Variants in LRRC20 observed in about 807,000 individuals in gnomAD.
LRRC20 encodes leucine rich repeat containing 20.
In LRRC20, 11 loss-of-function variants were observed where a neutral mutation model predicts 14.4. The ratio of observed to expected loss-of-function variants is 0.77; its 90% CI spans 0.48 to 1.27. The LOEUF (loss-of-function observed/expected upper bound fraction) is 1.27. LRRC20 is among the 50% of genes most tolerant of loss of function. The probability of loss-of-function intolerance (pLI) is 0.00; values close to 1 mark genes in which losing one functional copy is unlikely to be tolerated. For missense variants in LRRC20, 219 were observed against 251.2 expected, an observed-to-expected ratio of 0.87 and a Z score of 0.87; for synonymous variants, 121 against 107.3, an observed-to-expected ratio of 1.13 and a Z score of -0.79.
chr10:70,356,896 T>C (rs1197872665), intron 2 of LRRC20, among the ~76,000 whole-genome samples: 4 of 151,902 alleles, frequency 2.6e-5, no homozygotes, highest in Non-Finnish European at 5.9e-5. Flanking sequence ...AAAAAACACC[T>C]GTATATAAAT....
chr10:70,327,490 C>T (rs145906227), intron 3 of LRRC20, among the ~76,000 whole-genome samples: 12 of 151,834 alleles, frequency 7.9e-5, no homozygotes, highest in African/African-American at 2.7e-4. Context: ...CACAAGAATC[C>T]GAGGCACGAG....
chr10:70,341,617 A>T (rs1842916222), intron 2 of LRRC20, among the ~76,000 whole-genome samples: 1 of 152,048 alleles, frequency 6.6e-6, no homozygotes, highest in Admixed American at 6.5e-5. Flanking sequence ...AAAACAAAAA[A>T]ATTAGCCGGG....
At position 70,301,254 on chromosome 10, in the gene LRRC20, C is replaced by T. The variant is rs995053071; in HGVS notation, c.*100G>A. On this transcript the variant is annotated 3_prime_UTR_variant, in exon 5 of 5. Transcript: ENST00000446961. ...CACCACGTGCTGCTCGGCCCACCCG[C>T]CCCCAGCCCCCAGGCTTGGCCTCCC... The T allele has an allele frequency of 8.6e-5, 126 of 1,471,650 alleles. No individual in the cohort carries two copies. The highest frequency in any genetic ancestry group is 3.7e-4 in the African/African-American group (26 of 69,998). The allele number at this position is 1,471,650 out of a possible 1,614,324, so 91.2% of individuals were successfully genotyped here.
chr10:70,300,945 C>T lies in LRRC20; in HGVS notation c.*409G>A, dbSNP rs548370668. 17 of 997,538 alleles carry T rather than the reference C, an allele frequency of 1.7e-5. No homozygotes were observed. In the African/African-American group the frequency reaches 2.8e-4, roughly 16 times the overall value. 61.8% of individuals were successfully genotyped at this position (997,538 alleles called of 1,614,324 possible). On this transcript the variant is annotated 3_prime_UTR_variant, in exon 5 of 5. Coordinates refer to ENST00000446961, the MANE Select transcript of LRRC20 (RefSeq NM_001278212.2). The stretch of plus-strand genomic sequence containing the variant: ...CAGCACTAAAAACAAGGCCTCAAAC[C>T]CGCAGGGGCTCAGAAAATACCTGGC...
intron 2 of LRRC20, among the ~76,000 whole-genome samples, chr10:70,372,203 G>C (rs889977029): frequency 6.6e-6 from 1 of 152,184 alleles, no homozygotes. Flanking sequence ...CACAGTGGCA[G>C]GTGGTCCTTT....
At chr10:70,356,561 C>T (rs1433556970) in intron 2 of LRRC20, among the ~76,000 whole-genome samples, 1 of 151,366 alleles carries the variant, frequency 6.6e-6, no homozygotes, top group African/African-American at 2.4e-5. Context: ...GTTTTAAAAC[C>T]TGTATGTAGT....
intron 4 of LRRC20, among the ~76,000 whole-genome samples, chr10:70,311,222 ATTTTT>A (rs11314061): frequency 1.5e-4 from 13 of 86,346 alleles, no homozygotes; most frequent in African/African-American, 4.1e-4. Flanking sequence ...TCAACATTCC[ATTTTT>A]TTTTTTTTTT....
At chr10:70,348,278 A>G (rs1221853476) in intron 2 of LRRC20, among the ~76,000 whole-genome samples, 2 of 152,076 alleles carry the variant, frequency 1.3e-5, no homozygotes, top group Non-Finnish European at 2.9e-5. Flanking sequence ...AACACAGCAC[A>G]TGGACTCTCA....
chr10:70,363,555 C>T (rs79542496), intron 2 of LRRC20, among the ~76,000 whole-genome samples: 5,744 of 152,250 alleles, frequency 0.038, 161 homozygotes, highest in East Asian at 0.056. Flanking sequence ...CATCTTGCCT[C>T]AAGTGGGTAG....
intron 3 of LRRC20, among the ~76,000 whole-genome samples, chr10:70,339,504 T>C (rs991940090): frequency 3.3e-5 from 5 of 152,056 alleles, no homozygotes; most frequent in Non-Finnish European, 5.9e-5. Flanking sequence ...TTGGGGTCCA[T>C]GTGAGTCTGG....
intron 3 of LRRC20, among the ~76,000 whole-genome samples, chr10:70,332,561 T>C (rs2136985558): frequency 6.6e-6 from 1 of 152,306 alleles, no homozygotes; most frequent in Admixed American, 6.5e-5. Context: ...GAAAGATCAC[T>C]TGAGCCCAGG....
intron 2 of LRRC20, among the ~76,000 whole-genome samples, chr10:70,368,487 A>C (rs1311920485): frequency 2.0e-5 from 3 of 150,954 alleles, no homozygotes; most frequent in Non-Finnish European, 4.4e-5. Context: ...GACAGTTTTC[A>C]CCATGTTGGC....
At chr10:70,302,171 G>A (rs899162031) in intron 4 of LRRC20, among the ~76,000 whole-genome samples, 10 of 152,086 alleles carry the variant, frequency 6.6e-5, no homozygotes, top group African/African-American at 1.9e-4. Context: ...AACATTAGCC[G>A]GGCATGGTGG....
At chr10:70,307,438 A>G (rs1299353475) in intron 4 of LRRC20, among the ~76,000 whole-genome samples, 1 of 152,200 alleles carries the variant, frequency 6.6e-6, no homozygotes, top group African/African-American at 2.4e-5. Context: ...ATCTCCCAGG[A>G]GCTTCCTATC....
chr10:70,312,367 C>T (rs983405375), intron 4 of LRRC20, among the ~76,000 whole-genome samples: 4 of 141,752 alleles, frequency 2.8e-5, no homozygotes, highest in Non-Finnish European at 6.5e-5. Context: ...AAGAAGGCTC[C>T]GGAGCCACAC....
At chr10:70,334,941 C>T (rs1842670224) in intron 3 of LRRC20, among the ~76,000 whole-genome samples, 1 of 152,274 alleles carries the variant, frequency 6.6e-6, no homozygotes, top group East Asian at 1.9e-4. Flanking sequence ...CCTGGAGAGC[C>T]CTGTGGTGAG....
At chr10:70,370,283 G>A (rs1844215794) in intron 2 of LRRC20, among the ~76,000 whole-genome samples, 1 of 152,150 alleles carries the variant, frequency 6.6e-6, no homozygotes, top group Non-Finnish European at 1.5e-5. Flanking sequence ...CCTGACCAAA[G>A]CAATCACGAC....
intron 2 of LRRC20, among the ~76,000 whole-genome samples, chr10:70,369,511 G>T (rs1219187979): frequency 6.9e-6 from 1 of 144,224 alleles, no homozygotes; most frequent in Non-Finnish European, 1.5e-5. Flanking sequence ...AAAAACATCA[G>T]ATAAAATACT....
At chr10:70,326,901 C>T (rs1288081517) in intron 3 of LRRC20, among the ~76,000 whole-genome samples, 15 of 152,292 alleles carry the variant, frequency 9.8e-5, no homozygotes, top group East Asian at 5.8e-4. Context: ...CCTCATGATC[C>T]GCCCGCCTCA....
Sources: allele counts gnomAD v4.1 joint callset (sites outside exome capture counted in the v4.1 genomes callset), GRCh38; gene constraint gnomAD v4.1.1; transcripts MANE v1.5; gene names NCBI Gene and HGNC (gene_info 2026-07-23, HGNC 2026-07-21).